Variants in RAPGEF6 observed in about 807,000 individuals in gnomAD.
The protein encoded by RAPGEF6 is Rap guanine nucleotide exchange factor 6.
Under a neutral mutation model 171.4 loss-of-function variants are expected in RAPGEF6, and 56 were observed. The observed-to-expected ratio is 0.33, with a 90% CI of 0.26 to 0.41. The LOEUF (loss-of-function observed/expected upper bound fraction) is 0.41, where lower values mean the gene tolerates loss of function less well. RAPGEF6 is among the 10% of genes least tolerant of loss of function. The pLI, the probability that RAPGEF6 is intolerant of heterozygous loss-of-function variation, is 1.00. For synonymous variants in RAPGEF6, 692 were observed against 650.1 expected, an observed-to-expected ratio of 1.06 and a Z score of -0.98; for missense variants, 1,674 against 1,921.4, an observed-to-expected ratio of 0.87 and a Z score of 2.41.
In RAPGEF6 at chr5:131,493,200, G is replaced by A. The variant is rs1306321766; in HGVS notation, c.1528-415C>T. Among the ~76,000 whole-genome samples the A allele has an allele frequency of 1.8e-4, 27 of 152,176 alleles. 1 individual carries two copies. Among genetic ancestry groups the A allele is most frequent in the Admixed American group, 1.3e-3 (20 of 15,276 alleles). ...CTGCCTCAGCCTCCCGAGTAGCTGG[G>A]ACTACAGGCGCCCGCCACCATGCCC... On this transcript the variant is annotated intron_variant, in intron 13 of 27. Coordinates refer to ENST00000509018, the MANE Select transcript of RAPGEF6 (RefSeq NM_016340.6).
chr5:131,566,103 T>C (rs1047151986), intron 4 of RAPGEF6, among the ~76,000 whole-genome samples: 5 of 150,686 alleles, frequency 3.3e-5, no homozygotes, highest in Non-Finnish European at 4.4e-5. Flanking sequence ...GCCATGAGCA[T>C]GCCACTGCAC....
At chr5:131,443,202 C>T (rs1178449272) in intron 22 of RAPGEF6, among the ~76,000 whole-genome samples, 1 of 152,098 alleles carries the variant, frequency 6.6e-6, no homozygotes, top group Non-Finnish European at 1.5e-5. Context: ...CTCAGCCTCC[C>T]AAAGTGCTGG....
intron 11 of RAPGEF6, among the ~76,000 whole-genome samples, chr5:131,499,131 T>C (rs1756840114): frequency 6.6e-6 from 1 of 152,254 alleles, no homozygotes; most frequent in African/African-American, 2.4e-5. Flanking sequence ...TGTTTCATTA[T>C]TGTTACTTCC....
At chr5:131,436,986 T>C (rs1166483329) in intron 24 of RAPGEF6, among the ~76,000 whole-genome samples, 1 of 152,130 alleles carries the variant, frequency 6.6e-6, no homozygotes, top group African/African-American at 2.4e-5. Context: ...TTCTTAATCA[T>C]AAGAAAACAA....
In RAPGEF6 at chr5:131,565,975, G is replaced by A. The variant is rs532919771; in HGVS notation, c.282-3928C>T. Among the ~76,000 whole-genome samples the A allele has an allele frequency of 7.9e-5, 12 of 151,932 alleles. No homozygotes were observed. The South Asian group carries it at 1.5e-3, about 18-fold the overall frequency. ...AGCCTGTCCAACATGGCAAAACCTC[G>A]TCTCTACAAAAAAACACAAAAATCA... On this transcript the variant is annotated intron_variant, in intron 4 of 27. Coordinates refer to ENST00000509018, the MANE Select transcript of RAPGEF6 (RefSeq NM_016340.6).
chr5:131,460,043 T>C (rs1270695594), intron 19 of RAPGEF6, among the ~76,000 whole-genome samples: 1 of 152,162 alleles, frequency 6.6e-6, no homozygotes, highest in Non-Finnish European at 1.5e-5. Flanking sequence ...GAACATGAAG[T>C]ACAAGAATAC....
intron 6 of RAPGEF6, chr5:131,531,956 T>TC: frequency 1.2e-5 from 3 of 259,822 alleles, no homozygotes; most frequent in South Asian, 8.2e-5. Flanking sequence ...GATATTTAAA[T>TC]TAAAAAAAAA....
intron 19 of RAPGEF6, among the ~76,000 whole-genome samples, chr5:131,458,104 A>G (rs1753645947): frequency 6.6e-6 from 1 of 152,202 alleles, no homozygotes; most frequent in African/African-American, 2.4e-5. Flanking sequence ...TAAACATTCA[A>G]ACAAATGTTC....
At chr5:131,624,608 T>C (rs969158804) in intron 1 of RAPGEF6, among the ~76,000 whole-genome samples, 3 of 151,914 alleles carry the variant, frequency 2.0e-5, no homozygotes, top group Non-Finnish European at 4.4e-5. Flanking sequence ...CAGCAAGACC[T>C]TGTCTTTAAA....
intron 24 of RAPGEF6, among the ~76,000 whole-genome samples, chr5:131,435,004 T>TGG (rs1739078182): frequency 6.6e-6 from 1 of 152,186 alleles, no homozygotes; most frequent in African/African-American, 2.4e-5. Context: ...TTACAGGCTT[T>TGG]GGGTATGTTA....
rs1486187951 is a variant in RAPGEF6, at chr5:131,425,568, C to T, written c.*1698G>A. 6.6e-6 allele frequency: 1 copy of T among 152,290 alleles called. No homozygotes were observed. The allele number at this position is 152,290 out of a possible 1,614,324, so 9.4% of individuals were successfully genotyped here. A position where few individuals can be genotyped will look rare whatever the true frequency, so the allele number is the denominator to read the frequency against. On this transcript the variant is annotated 3_prime_UTR_variant, in exon 28 of 28. Transcript: ENST00000509018. Reference sequence around the variant, plus strand: ...ATTCTATCATACCTGCGATTAATTTCTAAGGCTTAAGTTTCAGATTAATGT... The same window carrying T: ...ATTCTATCATACCTGCGATTAATTTTTAAGGCTTAAGTTTCAGATTAATGT...
chr5:131,559,163 T>C (rs1247316646), intron 5 of RAPGEF6, among the ~76,000 whole-genome samples: 1 of 152,040 alleles, frequency 6.6e-6, no homozygotes, highest in Non-Finnish European at 1.5e-5. Flanking sequence ...ACACTGTCTC[T>C]ACTAAAAATA....
chr5:131,578,381 A>T (rs1439913102), intron 4 of RAPGEF6, among the ~76,000 whole-genome samples: 1 of 152,160 alleles, frequency 6.6e-6, no homozygotes, highest in African/African-American at 2.4e-5. Context: ...CCCACTCTAT[A>T]GGCTGACTGG....
chr5:131,500,480 C>T (rs892934892), intron 11 of RAPGEF6, among the ~76,000 whole-genome samples: 2 of 152,098 alleles, frequency 1.3e-5, no homozygotes, highest in African/African-American at 4.8e-5. Context: ...GGCAGGGTCC[C>T]TATAGAGACT....
rs754179191 is a variant in RAPGEF6 at position 131,521,384 on chromosome 5, T to C, written c.627+6A>G. On this transcript the variant is annotated splice_donor_region_variant and intron_variant, in intron 7 of 27. Coordinates refer to ENST00000509018, the MANE Select transcript of RAPGEF6 (RefSeq NM_016340.6). ...ATACGCAGCATACAAATTCCTAAGG[T>C]ATTACCTGATAGATATCAGATAAAC... 7.5e-6 allele frequency: 12 copies of C among 1,599,940 alleles called. No individual in the cohort carries two copies. Among genetic ancestry groups the C allele is most frequent in the Non-Finnish European group, 1.0e-5 (12 of 1,174,448 alleles).
chr5:131,438,168 T>A (rs1446160720), intron 24 of RAPGEF6, among the ~76,000 whole-genome samples: 4 of 152,242 alleles, frequency 2.6e-5, no homozygotes, highest in Admixed American at 1.3e-4. Context: ...TTTTTGTATT[T>A]TTAATAGAGA....
chr5:131,454,171 G>C (rs990784274), intron 20 of RAPGEF6, among the ~76,000 whole-genome samples: 2 of 152,188 alleles, frequency 1.3e-5, no homozygotes, highest in Admixed American at 1.3e-4. Flanking sequence ...ATGCTTGGTT[G>C]AAACTCTGAA....
chr5:131,597,673 G>T (rs1763981887), intron 3 of RAPGEF6, among the ~76,000 whole-genome samples: 1 of 152,104 alleles, frequency 6.6e-6, no homozygotes, highest in Non-Finnish European at 1.5e-5. Flanking sequence ...CATAGAAGTG[G>T]AGTAGAACTG....
At chr5:131,489,508 GAAGA>G in intron 15 of RAPGEF6, 34 bp downstream of exon 15, 1 of 1,217,750 alleles carries the variant, frequency 8.2e-7, no homozygotes, top group Non-Finnish European at 1.2e-6. Context: ...ACCAAATTAA[GAAGA>G]AAGAGTTCAG....
Sources: allele counts gnomAD v4.1 joint callset (sites outside exome capture counted in the v4.1 genomes callset), GRCh38; gene constraint gnomAD v4.1.1; transcripts MANE v1.5; gene names NCBI Gene and HGNC (gene_info 2026-07-23, HGNC 2026-07-21).